Variants in NRG3 observed in about 807,000 individuals in gnomAD.
The protein encoded by NRG3 is neuregulin 3.
In NRG3, 31 loss-of-function variants were observed where a neutral mutation model predicts 66.9. The ratio of observed to expected loss-of-function variants is 0.46; its 90% CI spans 0.35 to 0.63. NRG3 has a LOEUF of 0.63. Ranked by LOEUF, NRG3 falls within the 20% of genes least tolerant of loss-of-function variation. NRG3 has a pLI of 0.00. For synonymous variants in NRG3, 393 were observed against 359.4 expected (o/e 1.09, Z -1.06); for missense variants, 910 against 878.9 (o/e 1.04, Z -0.45).
chr10:82,262,117 C>T (rs2078061092), intron 1 of NRG3, among the ~76,000 whole-genome samples: 1 of 152,142 alleles, frequency 6.6e-6, no homozygotes, highest in Non-Finnish European at 1.5e-5. Flanking sequence ...GCGAACTAAA[C>T]CTCTTTTATT....
At chr10:82,214,639 A>T (rs1764078) in intron 1 of NRG3, among the ~76,000 whole-genome samples, 37,892 of 151,586 alleles carry the variant, frequency 0.25, 4,940 homozygotes, top group African/African-American at 0.32. Flanking sequence ...ATTAAAAAAA[A>T]TTTTTTTTGC....
intron 2 of NRG3, among the ~76,000 whole-genome samples, chr10:82,451,526 C>G (rs535869180): frequency 2.0e-5 from 3 of 152,080 alleles, no homozygotes; most frequent in Non-Finnish European, 4.4e-5. Context: ...GTGTGGGGAG[C>G]TTGGGTGTTT....
chr10:82,427,007 T>C (rs2089490562), intron 2 of NRG3, among the ~76,000 whole-genome samples: 1 of 152,140 alleles, frequency 6.6e-6, no homozygotes, highest in Admixed American at 6.6e-5. Flanking sequence ...TATAGAAATA[T>C]GACTGATTTT....
At chr10:81,910,224 A>C (rs1359924115) in intron 1 of NRG3, among the ~76,000 whole-genome samples, 1 of 152,184 alleles carries the variant, frequency 6.6e-6, no homozygotes, top group Non-Finnish European at 1.5e-5. Flanking sequence ...CCTACTAGGC[A>C]CCAAGTGAAA....
At chr10:82,408,089 A>AGAC (rs1564888139) in intron 2 of NRG3, among the ~76,000 whole-genome samples, 42 of 54,886 alleles carry the variant, frequency 7.7e-4, no homozygotes, top group African/African-American at 1.9e-3. Context: ...GAGAGACAGA[A>AGAC]AGAAAGAAAG....
At chr10:82,734,352 C>A (rs1390649424) in intron 2 of NRG3, among the ~76,000 whole-genome samples, 1 of 152,108 alleles carries the variant, frequency 6.6e-6, no homozygotes, top group East Asian at 1.9e-4. Context: ...TGATGTCTAC[C>A]TTTGAAACTA....
chr10:82,742,532 A>G (rs1331402608), intron 3 of NRG3, among the ~76,000 whole-genome samples: 3 of 152,098 alleles, frequency 2.0e-5, no homozygotes, highest in Admixed American at 6.5e-5. Context: ...AAACCCTCCT[A>G]TGGATTCAAT....
chr10:82,965,353 T>A (rs1381936519), intron 6 of NRG3, among the ~76,000 whole-genome samples: 1 of 152,136 alleles, frequency 6.6e-6, no homozygotes, highest in African/African-American at 2.4e-5. Flanking sequence ...GCACTTAAAT[T>A]TCACTGAAGA....
intron 2 of NRG3, among the ~76,000 whole-genome samples, chr10:82,440,362 A>T (rs1302226826): frequency 2.9e-5 from 4 of 136,258 alleles, no homozygotes; most frequent in African/African-American, 8.1e-5. Flanking sequence ...TGCCTGTTTG[A>T]TTTTTTTTTT....
At chr10:82,377,979 G>T (rs897236801) in intron 2 of NRG3, among the ~76,000 whole-genome samples, 1 of 152,206 alleles carries the variant, frequency 6.6e-6, no homozygotes, top group Non-Finnish European at 1.5e-5. Context: ...AGGCGTTTGG[G>T]CTAGGAAGTG....
chr10:82,132,641 A>G (rs2069012265), intron 1 of NRG3, among the ~76,000 whole-genome samples: 1 of 149,524 alleles, frequency 6.7e-6, no homozygotes. Flanking sequence ...TAGTTTAAGT[A>G]GGATTGGTAT....
At chr10:82,505,857 A>G (rs1400746785) in intron 2 of NRG3, among the ~76,000 whole-genome samples, 3 of 152,210 alleles carry the variant, frequency 2.0e-5, no homozygotes, top group Non-Finnish European at 2.9e-5. Context: ...AAGCTCATGC[A>G]AATTTATACT....
intron 4 of NRG3, among the ~76,000 whole-genome samples, chr10:82,907,063 A>G (rs905345355): frequency 2.6e-5 from 4 of 152,184 alleles, no homozygotes; most frequent in African/African-American, 9.7e-5. Context: ...TAGCAGTCCT[A>G]TTATTCTCAG....
intron 4 of NRG3, among the ~76,000 whole-genome samples, chr10:82,883,979 A>G (rs1329808255): frequency 6.6e-6 from 1 of 151,406 alleles, no homozygotes; most frequent in Non-Finnish European, 1.5e-5. Flanking sequence ...CACACTTTAC[A>G]GAGTGGAGAT....
chr10:82,220,786 G>T lies in NRG3; in HGVS notation c.824-137953G>T, dbSNP rs118070678. Among the ~76,000 whole-genome samples, 1,130 of 152,210 alleles carry T rather than the reference G, an allele frequency of 7.4e-3. 17 individuals carry two copies. Among genetic ancestry groups the T allele is most frequent in the Non-Finnish European group, 0.011 (772 of 68,010 alleles). Reference sequence around the variant, plus strand: ...GCTACTAGGGAGACAGAGGCAAGAGGCTTACAACACAAGCCTGGACAACAT... The same window carrying T: ...GCTACTAGGGAGACAGAGGCAAGAGTCTTACAACACAAGCCTGGACAACAT... On this transcript the variant is annotated intron_variant, in intron 1 of 8. Coordinates refer to ENST00000372141, the MANE Select transcript of NRG3 (RefSeq NM_001010848.4).
intron 1 of NRG3, among the ~76,000 whole-genome samples, chr10:82,317,082 C>A (rs1262725564): frequency 6.6e-6 from 1 of 152,116 alleles, no homozygotes; most frequent in African/African-American, 2.4e-5. Flanking sequence ...AAATATCAGT[C>A]CTATGCTTTC....
At chr10:82,720,226 C>T (rs568527005) in intron 2 of NRG3, among the ~76,000 whole-genome samples, 1 of 152,190 alleles carries the variant, frequency 6.6e-6, no homozygotes, top group South Asian at 2.1e-4. Flanking sequence ...CCCATCTCTA[C>T]TAAAAATACA....
At chr10:82,418,719 G>A (rs933200550) in intron 2 of NRG3, among the ~76,000 whole-genome samples, 2 of 151,998 alleles carry the variant, frequency 1.3e-5, no homozygotes, top group Non-Finnish European at 2.9e-5. Flanking sequence ...TGCCTCCTCA[G>A]CCTCCTGAGT....
intron 3 of NRG3, among the ~76,000 whole-genome samples, chr10:82,768,742 T>C (rs1198696915): frequency 6.6e-6 from 1 of 152,166 alleles, no homozygotes; most frequent in South Asian, 2.1e-4. Flanking sequence ...TTTTATCTCT[T>C]TCATCTGATT....
Sources: allele counts gnomAD v4.1 joint callset (sites outside exome capture counted in the v4.1 genomes callset), GRCh38; gene constraint gnomAD v4.1.1; transcripts MANE v1.5; gene names NCBI Gene and HGNC (gene_info 2026-07-23, HGNC 2026-07-21).